The following ANKAR variants were observed in gnomAD, a reference collection of about 807,000 sequenced individuals.
ANKAR encodes the protein ankyrin and armadillo repeat containing.
In ANKAR, 136 loss-of-function variants were observed where a neutral mutation model predicts 146.2. The ratio of observed to expected loss-of-function variants is 0.93; its 90% confidence interval spans 0.81 to 1.07. The LOEUF (loss-of-function observed/expected upper bound fraction) is 1.07. Among genes scored for constraint, ANKAR ranks in the 50% least tolerant of loss-of-function variants. The pLI, the probability that ANKAR is intolerant of heterozygous loss-of-function variation, is 0.00. For missense variants in ANKAR, 1,567 were observed against 1,679.9 expected (o/e 0.93, Z 1.18); for synonymous variants, 500 against 575.8 (o/e 0.87, Z 1.88).
chr2:189,718,299 T>C (rs2040773594), intron 10 of ANKAR, among the ~76,000 whole-genome samples: 1 of 146,806 alleles, frequency 6.8e-6, no homozygotes, highest in Non-Finnish European at 1.5e-5. Flanking sequence ...TCTTTATCTA[T>C]ATCTATCTAT....
intron 2 of ANKAR, among the ~76,000 whole-genome samples, chr2:189,681,300 G>A (rs1559053010): frequency 6.6e-6 from 1 of 152,184 alleles, no homozygotes; most frequent in Non-Finnish European, 1.5e-5. Context: ...CCTGATCATG[G>A]CAGGAAGGAG....
At position 189,689,971 on chromosome 2, in the gene ANKAR, GT is replaced by G; in HGVS notation, c.1039+8del. 6.8e-7 allele frequency: 1 copy of G among 1,472,890 alleles called. No individual in the cohort carries two copies. Among genetic ancestry groups the G allele is most frequent in the African/African-American group, 1.4e-5 (1 of 70,238 alleles). The allele number at this position is 1,472,890 out of a possible 1,614,324, so 91.2% of individuals were successfully genotyped here. A position where few individuals can be genotyped will look rare whatever the true frequency, so the allele number is the denominator to read the frequency against. ...CTGCTTCAGCCTTTTTCAGGTAAGA[GT>G]ATCACCAAAAATCAAATATAAAATA... On this transcript the variant is annotated splice_region_variant and intron_variant, in intron 3 of 22. Coordinates refer to ENST00000684021, the MANE Select transcript of ANKAR (RefSeq NM_001378068.1).
chr2:189,735,362 T>C (rs2042754638), intron 17 of ANKAR, among the ~76,000 whole-genome samples: 1 of 152,232 alleles, frequency 6.6e-6, no homozygotes, highest in Admixed American at 6.5e-5. Context: ...AATTTTTAAT[T>C]CTAACACTCA....
chr2:189,714,718 G>A (rs556648027), intron 10 of ANKAR, among the ~76,000 whole-genome samples: 44 of 151,672 alleles, frequency 2.9e-4, no homozygotes, highest in African/African-American at 7.5e-4. Context: ...AGGCTGAGGC[G>A]GGCGGATCAC....
Position 189,710,918 on chromosome 2 carries a change from T to G in ANKAR, c.2120-131T>G, listed in dbSNP as rs557075158. 22 of 669,578 alleles carry G rather than the reference T, an allele frequency of 3.3e-5. No homozygotes were observed. The South Asian group carries it at 3.7e-4, about 11-fold the overall frequency. 41.5% of individuals were successfully genotyped at this position (669,578 alleles called of 1,614,324 possible). A position where few individuals can be genotyped will look rare whatever the true frequency, so the allele number is the denominator to read the frequency against. On this transcript the variant is annotated intron_variant, in intron 9 of 22. Coordinates refer to ENST00000684021, the MANE Select transcript of ANKAR (RefSeq NM_001378068.1). Reference sequence around the variant, plus strand: ...GAGCTGTGCACAGAGGGGAATTTAATGCATGCAGTTGGTGGTAATAGTGGT... The same window carrying G: ...GAGCTGTGCACAGAGGGGAATTTAAGGCATGCAGTTGGTGGTAATAGTGGT...
intron 17 of ANKAR, 103 bp downstream of exon 17, chr2:189,733,332 T>A: frequency 9.8e-7 from 1 of 1,020,260 alleles, no homozygotes; most frequent in Non-Finnish European, 1.4e-6. Context: ...CAATGTATTG[T>A]TTAAGAAAAG....
chr2:189,680,446 CTCTAA>C (rs1435139965), intron 2 of ANKAR, among the ~76,000 whole-genome samples: 1 of 151,852 alleles, frequency 6.6e-6, no homozygotes, highest in African/African-American at 2.4e-5. Flanking sequence ...TTTAGTTCTG[CTCTAA>C]TCTTTGTTAT....
At chr2:189,728,142 T>C (rs755313888) in intron 13 of ANKAR, 45 bp downstream of exon 13, 1 of 1,548,098 alleles carries the variant, frequency 6.5e-7, no homozygotes, top group East Asian at 2.3e-5. Context: ...GATGATGTTT[T>C]CTATTTTGAA....
rs1398199707 is a variant in ANKAR, at chr2:189,692,276, G to A, written c.1061G>A (p.Arg354Gln). The change falls in exon 4 of 23, where the codon CGA becomes CAA. Residue 354 changes from arginine (R) to glutamine (Q), a missense_variant. By Grantham distance (43) the Arg-to-Gln change is conservative. Coordinates refer to ENST00000684021, the MANE Select transcript of ANKAR (RefSeq NM_001378068.1). ...PFSDDKVKTERELPPFIYGRD... is the reference protein window; with the variant it reads ...PFSDDKVKTEQELPPFIYGRD... Reference sequence around the variant, plus strand: ...GGAGATGACAAGGTCAAGACAGAGCGAGAATTGCCTCCATTTATTTATGGA... The same window carrying A: ...GGAGATGACAAGGTCAAGACAGAGCAAGAATTGCCTCCATTTATTTATGGA... 21 of 1,611,628 alleles carry A rather than the reference G, an allele frequency of 1.3e-5. No homozygotes were observed. Among genetic ancestry groups the A allele is most frequent in the South Asian group, 3.3e-5 (3 of 90,432 alleles).
chr2:189,733,294 A>ATTATCAAGT, intron 17 of ANKAR, 65 bp downstream of exon 17: 1 of 1,347,890 alleles, frequency 7.4e-7, no homozygotes, highest in Non-Finnish European at 1.0e-6. Flanking sequence ...ACATCTTCAA[A>ATTATCAAGT]TTATCAAGTC....
At chr2:189,745,769 AAGG>A (rs2044066617) in intron 22 of ANKAR, among the ~76,000 whole-genome samples, 2 of 152,200 alleles carry the variant, frequency 1.3e-5, no homozygotes, top group Admixed American at 6.5e-5. Context: ...AAGACAGTAA[AAGG>A]AGAGGAAACA....
chr2:189,739,568 GTT>G (rs879643143), intron 19 of ANKAR, among the ~76,000 whole-genome samples: 4 of 144,048 alleles, frequency 2.8e-5, no homozygotes, highest in Non-Finnish European at 1.5e-5. Context: ...AGACTCCACA[GTT>G]TTTTTTTTTT....
At chr2:189,675,268 C>T (rs1171099628) in intron 1 of ANKAR, among the ~76,000 whole-genome samples, 3 of 152,118 alleles carry the variant, frequency 2.0e-5, no homozygotes, top group Admixed American at 2.0e-4. Context: ...TAGTAAAGAA[C>T]CTGGCTCAAT....
chr2:189,754,400 A>G (rs2045752888), intron 18 of ANKAR: 1 of 1,452,020 alleles, frequency 6.9e-7, no homozygotes, highest in South Asian at 1.3e-5. Context: ...TGAAACGAAA[A>G]GATGCAAAGG....
Position 189,716,310 on chromosome 2 carries a change from G to A in ANKAR, c.2225-3262G>A, listed in dbSNP as rs1348392913. ...TACACCAATAATAGACAAACAGAGA[G>A]CCAAATCATGAGTGAACTCCCATTC... On this transcript the variant is annotated intron_variant, in intron 10 of 22. Coordinates refer to ENST00000684021, the MANE Select transcript of ANKAR (RefSeq NM_001378068.1). 2.6e-5 allele frequency among the ~76,000 whole-genome samples: 4 copies of A among 152,266 alleles called. No individual in the cohort carries two copies. In the East Asian group the frequency reaches 7.7e-4, roughly 29 times the overall value.
At chr2:189,715,414 C>A (rs554427221) in intron 10 of ANKAR, among the ~76,000 whole-genome samples, 1 of 152,160 alleles carries the variant, frequency 6.6e-6, no homozygotes, top group African/African-American at 2.4e-5. Flanking sequence ...CTGAATAGAC[C>A]ATTAACAGGC....
Position 189,733,628 on chromosome 2 carries a change from T to C in ANKAR, c.3423+399T>C, listed in dbSNP as rs891011188. Among the ~76,000 whole-genome samples the C allele has an allele frequency of 4.0e-4, 61 of 152,136 alleles. 1 individual carries two copies. The highest frequency in any genetic ancestry group is 3.2e-3 in the Middle Eastern group (1 of 316). ...GCAATCTATTATGGAAGGATAATTT[T>C]TTTTAACTTTAAAAATTTTGAAATA... On this transcript the variant is annotated intron_variant, in intron 17 of 22. Coordinates refer to ENST00000684021, the MANE Select transcript of ANKAR (RefSeq NM_001378068.1).
At chr2:189,754,901 C>T (rs541515937) in intron 18 of ANKAR, 4 of 407,206 alleles carry the variant, frequency 9.8e-6, no homozygotes, top group African/African-American at 8.4e-5. Context: ...CGTTCTTTCA[C>T]ATACATTATT....
chr2:189,726,991 A>G (rs2041945580), intron 12 of ANKAR, among the ~76,000 whole-genome samples: 2 of 152,200 alleles, frequency 1.3e-5, no homozygotes, highest in African/African-American at 2.4e-5. Context: ...AAAAAATGCA[A>G]CTTGTTAAAA....
Sources: gnomAD v4.1 joint callset for allele counts (sites outside exome capture counted in the v4.1 genomes callset) on GRCh38, gnomAD v4.1.1 for gene constraint, MANE v1.5 for transcripts, NCBI Gene and HGNC (gene_info 2026-07-23, HGNC 2026-07-21) for gene names.